The following CCDC171 variants were observed in gnomAD, a reference collection of about 807,000 sequenced individuals.
The protein encoded by CCDC171 is coiled-coil domain-containing protein 171.
In CCDC171, 177 loss-of-function variants were observed where a neutral mutation model predicts 168.2. The observed-to-expected ratio is 1.05, with a 90% CI of 0.93 to 1.19. The LOEUF (loss-of-function observed/expected upper bound fraction) is 1.19. CCDC171 is among the 50% of genes most tolerant of loss of function. The probability of loss-of-function intolerance (pLI) is 0.00; values close to 1 mark genes in which losing one functional copy is unlikely to be tolerated. For missense variants in CCDC171, 1,991 were observed against 1,539.0 expected, an observed-to-expected ratio of 1.29 and a Z score of -4.91; for synonymous variants, 687 against 540.8, an observed-to-expected ratio of 1.27 and a Z score of -3.75.
At chr9:15,976,252 T>C (rs1252218244), downstream of CCDC171, among the ~76,000 whole-genome samples, 1 of 152,224 alleles carries the variant, frequency 6.6e-6, no homozygotes, top group Non-Finnish European at 1.5e-5. Context: ...AAAAGATTAA[T>C]ATGTTAATCT....
chr9:16,070,745 GT>G, the CCDC171 span, among the ~76,000 whole-genome samples: 1 of 152,190 alleles, frequency 6.6e-6, no homozygotes, highest in African/African-American at 2.4e-5. Context: ...TTTAACATGT[GT>G]GGCCACCCAC....
intron 21 of CCDC171, among the ~76,000 whole-genome samples, chr9:15,813,022 G>A (rs2059422244): frequency 6.6e-6 from 1 of 152,192 alleles, no homozygotes. Flanking sequence ...TCTTTGGGGA[G>A]AGAGTGTGCA....
the CCDC171 span, among the ~76,000 whole-genome samples, chr9:16,087,893 C>A: frequency 6.6e-6 from 1 of 152,076 alleles, no homozygotes; most frequent in East Asian, 1.9e-4. Flanking sequence ...CCGGTGATGA[C>A]AAAATCTCTC....
chr9:15,610,895 G>C (rs1038961361), intron 6 of CCDC171, among the ~76,000 whole-genome samples: 1 of 152,068 alleles, frequency 6.6e-6, no homozygotes, highest in Non-Finnish European at 1.5e-5. Flanking sequence ...GCTTCATTTT[G>C]TAGTAGCCTC....
At chr9:15,680,161 C>T (rs940535281) in intron 10 of CCDC171, among the ~76,000 whole-genome samples, 1 of 152,194 alleles carries the variant, frequency 6.6e-6, no homozygotes, top group South Asian at 2.1e-4. Flanking sequence ...GGTTAACTTA[C>T]TTCATTTTAC....
intron 7 of CCDC171, among the ~76,000 whole-genome samples, chr9:15,632,092 T>A (rs1329544734): frequency 3.9e-5 from 6 of 152,010 alleles, no homozygotes; most frequent in Non-Finnish European, 7.4e-5. Flanking sequence ...CTGGAAGCAT[T>A]CCCTTTGAAA....
chr9:15,593,152 C>T lies in CCDC171; in HGVS notation c.544-889C>T, dbSNP rs1169732445. Among the ~76,000 whole-genome samples, 3 of 152,122 alleles carry T rather than the reference C, an allele frequency of 2.0e-5. No homozygotes were observed. The East Asian group carries it at 5.8e-4, about 29-fold the overall frequency. On this transcript the variant is annotated intron_variant, in intron 5 of 25. Transcript: ENST00000380701. Reference sequence around the variant, plus strand: ...CTTGGGGGAAAAAAAAGCCTCAAGGCTCTTTGTGAAAGCTTTCTTTCTATA... The same window carrying T: ...CTTGGGGGAAAAAAAAGCCTCAAGGTTCTTTGTGAAAGCTTTCTTTCTATA...
chr9:15,569,817 AAAAAAAC>A (rs1357527805), intron 2 of CCDC171, among the ~76,000 whole-genome samples: 8 of 103,298 alleles, frequency 7.7e-5, no homozygotes, highest in Admixed American at 4.1e-4. Flanking sequence ...TCCGTCTCAA[AAAAAAAC>A]AAAAAACAAA....
intron 3 of CCDC171, chr9:16,020,525 G>A (rs12003981): frequency 0.018 from 2,787 of 154,458 alleles, 84 homozygotes; most frequent in African/African-American, 0.062. Flanking sequence ...TAAGTGGAAA[G>A]CATCCACTTT....
At chr9:15,673,164 G>A (rs1319160748) in intron 9 of CCDC171, among the ~76,000 whole-genome samples, 3 of 152,128 alleles carry the variant, frequency 2.0e-5, no homozygotes, top group Admixed American at 2.0e-4. Flanking sequence ...TCTGTTATTG[G>A]TGTATAAGAA....
intron 21 of CCDC171, among the ~76,000 whole-genome samples, chr9:15,810,416 A>T (rs1233560489): frequency 7.7e-6 from 1 of 129,402 alleles, no homozygotes; most frequent in African/African-American, 3.0e-5. Flanking sequence ...AGCCCTTGGG[A>T]GGTAAATGGG....
At chr9:15,823,547 A>G (rs1588697625) in intron 21 of CCDC171, among the ~76,000 whole-genome samples, 1 of 152,244 alleles carries the variant, frequency 6.6e-6, no homozygotes, top group East Asian at 1.9e-4. Flanking sequence ...CTTAACAGTC[A>G]CAACATGTTA....
At chr9:15,986,729 C>G (rs940803884) in intron 3 of CCDC171, among the ~76,000 whole-genome samples, 1 of 152,192 alleles carries the variant, frequency 6.6e-6, no homozygotes, top group Admixed American at 6.5e-5. Context: ...TGCTGACTTA[C>G]TCTTAGATGA....
chr9:15,630,834 G>C (rs868850797), intron 7 of CCDC171, among the ~76,000 whole-genome samples: 3 of 152,284 alleles, frequency 2.0e-5, no homozygotes, highest in South Asian at 2.1e-4. Context: ...TCAGACCACA[G>C]TGCAATCAAA....
intron 25 of CCDC171, among the ~76,000 whole-genome samples, chr9:15,951,595 G>A (rs1443440515): frequency 6.6e-6 from 1 of 151,808 alleles, no homozygotes; most frequent in African/African-American, 2.4e-5. Flanking sequence ...TCTCATTGTA[G>A]GTTTGATTTG....
At chr9:16,107,386 T>C in the CCDC171 span, among the ~76,000 whole-genome samples, 4 of 152,198 alleles carry the variant, frequency 2.6e-5, no homozygotes, top group South Asian at 2.1e-4. Flanking sequence ...GAGCTCTATA[T>C]GTAAAAAGTA....
At chr9:15,739,257 C>T (rs923944396) in intron 16 of CCDC171, among the ~76,000 whole-genome samples, 3 of 152,064 alleles carry the variant, frequency 2.0e-5, no homozygotes, top group Non-Finnish European at 2.9e-5. Context: ...GGCAAAGGAG[C>T]CGGGTGTTCT....
intron 24 of CCDC171, among the ~76,000 whole-genome samples, chr9:15,876,357 A>T (rs1817847528): frequency 6.6e-6 from 1 of 152,136 alleles, no homozygotes; most frequent in Non-Finnish European, 1.5e-5. Flanking sequence ...TTAACTATGT[A>T]CCAGGTACCA....
chr9:15,723,698 A>T lies in CCDC171; in HGVS notation c.1443A>T (p.Glu481Asp), dbSNP rs778616334. Residue 481 changes from glutamate (E) to aspartate (D), a missense_variant, in exon 13 of 26, where the codon GAA (glutamate) becomes GAT (aspartate). By Grantham distance (45) the Glu-to-Asp change is conservative (BLOSUM62 2). Transcript: ENST00000380701. ...ATGTTAAGGAAAAGGCATGTAATGA[A>T]CTTGATTCTACGAAACAGAAGATAG... ...DASNEEKACNELDSTKQKIDS... is the reference protein window; with the variant it reads ...DASNEEKACNDLDSTKQKIDS... 1.9e-6 allele frequency: 3 copies of T among 1,592,992 alleles called. No homozygotes were observed. The South Asian group carries it at 3.4e-5, about 18-fold the overall frequency.
Sources: allele counts gnomAD v4.1 joint callset (sites outside exome capture counted in the v4.1 genomes callset), GRCh38; gene constraint gnomAD v4.1.1; transcripts MANE v1.5; gene names NCBI Gene and HGNC (gene_info 2026-07-23, HGNC 2026-07-21).